PIBF1: variants seen among roughly 807,000 people sequenced by gnomAD.
The protein encoded by PIBF1 is progesterone-induced-blocking factor 1.
A neutral mutation model predicts 112.5 loss-of-function variants in PIBF1; 90 were observed. The ratio of observed to expected loss-of-function variants is 0.80; its 90% CI spans 0.67 to 0.95. The LOEUF is 0.95. Ranked by LOEUF, PIBF1 falls within the 40% of genes least tolerant of loss-of-function variation. The probability of loss-of-function intolerance (pLI) is 0.00; values close to 1 mark genes in which losing one functional copy is unlikely to be tolerated. For missense variants in PIBF1, 915 were observed against 852.3 expected, an observed-to-expected ratio of 1.07 and a Z score of -0.92; for synonymous variants, 301 against 288.6, an observed-to-expected ratio of 1.04 and a Z score of -0.44.
intron 14 of PIBF1, among the ~76,000 whole-genome samples, chr13:72,937,116 A>G (rs2041891407): frequency 1.3e-5 from 2 of 151,848 alleles, no homozygotes; most frequent in South Asian, 2.1e-4. Flanking sequence ...ACAAAATATG[A>G]TTTTCAATTG....
intron 14 of PIBF1, among the ~76,000 whole-genome samples, chr13:72,948,222 A>G (rs1020222824): frequency 6.6e-6 from 1 of 152,106 alleles, no homozygotes; most frequent in African/African-American, 2.4e-5. Context: ...CTGAAAGTAT[A>G]ATTTAAAAAA....
At chr13:72,921,914 T>G (rs1230402850) in intron 13 of PIBF1, among the ~76,000 whole-genome samples, 1 of 152,208 alleles carries the variant, frequency 6.6e-6, no homozygotes, top group Non-Finnish European at 1.5e-5. Context: ...TAAGACGATA[T>G]TGTTTTAAAA....
chr13:72,845,873 T>G (rs1455718719), intron 9 of PIBF1, among the ~76,000 whole-genome samples: 2 of 152,174 alleles, frequency 1.3e-5, no homozygotes, highest in African/African-American at 4.8e-5. Context: ...AAGATGTTTT[T>G]ATACCAAAGC....
intron 10 of PIBF1, among the ~76,000 whole-genome samples, chr13:72,856,587 A>C (rs1026571489): frequency 2.0e-5 from 3 of 152,208 alleles, no homozygotes; most frequent in African/African-American, 4.8e-5. Flanking sequence ...TTATGAATAA[A>C]TGAGTGAATG....
At chr13:72,989,498 G>C (rs2043403619) in intron 16 of PIBF1, among the ~76,000 whole-genome samples, 1 of 152,184 alleles carries the variant, frequency 6.6e-6, no homozygotes. Context: ...GACGGTATAT[G>C]ATTCCACTGA....
intron 16 of PIBF1, among the ~76,000 whole-genome samples, chr13:72,985,371 CAA>C (rs67195605): frequency 1.3e-5 from 1 of 76,282 alleles, no homozygotes; most frequent in Non-Finnish European, 2.3e-5. Context: ...ACTAAAAATA[CAA>C]AAAAAAAAAA....
intron 8 of PIBF1, among the ~76,000 whole-genome samples, chr13:72,829,720 C>T (rs2037006529): frequency 6.6e-6 from 1 of 152,098 alleles, no homozygotes; most frequent in South Asian, 2.1e-4. Flanking sequence ...CATGATGCCT[C>T]CAGCTTTCTT....
At chr13:72,903,672 A>G (rs1406576773) in intron 11 of PIBF1, among the ~76,000 whole-genome samples, 2 of 152,198 alleles carry the variant, frequency 1.3e-5, no homozygotes, top group African/African-American at 2.4e-5. Flanking sequence ...GCTCTAGACA[A>G]TTAACCAGAG....
At chr13:72,885,370 A>T (rs550418325) in intron 10 of PIBF1, among the ~76,000 whole-genome samples, 2 of 152,236 alleles carry the variant, frequency 1.3e-5, no homozygotes, top group East Asian at 3.9e-4. Context: ...ACTGCCCCTC[A>T]TCAAATTAGT....
intron 9 of PIBF1, among the ~76,000 whole-genome samples, chr13:72,848,925 G>GGTT (rs1213556100): frequency 6.6e-6 from 1 of 151,980 alleles, no homozygotes; most frequent in Non-Finnish European, 1.5e-5. Context: ...AGAAAGTAGT[G>GGTT]GTTTGTGTGT....
At position 72,795,427 on chromosome 13, in the gene PIBF1, CA is replaced by C; in HGVS notation, c.425del (p.Asn142IlefsTer4). The C allele has an allele frequency of 5.0e-6, 8 of 1,609,294 alleles. No homozygotes were observed. Among genetic ancestry groups the C allele is most frequent in the Non-Finnish European group, 6.8e-6 (8 of 1,178,098 alleles). ...TTGAGACAGAAACAACTAGAAGAGA[CA>C]AATCTTCAGCTAAGAGAAAAAGCTG... ...ILLRQKQLEE[T>X]NLQLREKAGD... On this transcript the variant is annotated frameshift_variant, in exon 4 of 18. Coordinates refer to ENST00000326291, the MANE Select transcript of PIBF1 (RefSeq NM_006346.4). LOFTEE classifies it high-confidence loss of function.
intron 17 of PIBF1, among the ~76,000 whole-genome samples, chr13:73,007,627 T>A (rs1299364359): frequency 6.6e-6 from 1 of 152,022 alleles, no homozygotes; most frequent in Non-Finnish European, 1.5e-5. Context: ...CTGACCAACA[T>A]GGAGAAACCC....
intron 10 of PIBF1, among the ~76,000 whole-genome samples, chr13:72,886,350 T>G (rs2039852720): frequency 6.6e-6 from 1 of 151,854 alleles, no homozygotes. Context: ...GGAGGATAAT[T>G]CAAGCTGAAT....
In PIBF1 at chr13:72,893,813, G is replaced by GC; in HGVS notation, c.1353dup (p.Lys452GlnfsTer10). ...AGAGAACTACAACTTAGTACAGAAA[G>GC]CAAAGTAACAGAATTTCTCCATCAA... On this transcript the variant is annotated frameshift_variant, in exon 11 of 18. Transcript: ENST00000326291. LOFTEE classifies it high-confidence loss of function. The GC allele has an allele frequency of 1.2e-6, 2 of 1,602,242 alleles. No homozygotes were observed. The highest frequency in any genetic ancestry group is 1.7e-6 in the Non-Finnish European group (2 of 1,174,090).
At chr13:72,932,863 T>A (rs1374779651) in intron 14 of PIBF1, among the ~76,000 whole-genome samples, 1 of 152,230 alleles carries the variant, frequency 6.6e-6, no homozygotes, top group Non-Finnish European at 1.5e-5. Context: ...TTCCTAAAAA[T>A]TTTCAGGATT....
chr13:72,804,994 C>G (rs1021791136), intron 5 of PIBF1, among the ~76,000 whole-genome samples: 1 of 152,018 alleles, frequency 6.6e-6, no homozygotes, highest in Non-Finnish European at 1.5e-5. Context: ...CTTTTTTGAG[C>G]CAGAGTCACA....
chr13:72,958,806 T>G (rs1327409821), intron 14 of PIBF1, among the ~76,000 whole-genome samples: 2 of 152,126 alleles, frequency 1.3e-5, no homozygotes, highest in Admixed American at 1.3e-4. Context: ...GGATTACAAG[T>G]TCAAGACGTA....
intron 9 of PIBF1, among the ~76,000 whole-genome samples, chr13:72,846,113 C>G (rs771883026): frequency 6.6e-6 from 1 of 152,114 alleles, no homozygotes; most frequent in Non-Finnish European, 1.5e-5. Context: ...GCAGCTGCCT[C>G]CATGGCATTT....
chr13:72,876,332 G>A (rs1281863158), intron 10 of PIBF1, among the ~76,000 whole-genome samples: 2 of 151,758 alleles, frequency 1.3e-5, no homozygotes, highest in Non-Finnish European at 2.9e-5. Context: ...TCCTGTTCCT[G>A]TAACTTTATA....
Sources: gnomAD v4.1 joint callset for allele counts (sites outside exome capture counted in the v4.1 genomes callset) on GRCh38, gnomAD v4.1.1 for gene constraint, MANE v1.5 for transcripts, NCBI Gene and HGNC (gene_info 2026-07-23, HGNC 2026-07-21) for gene names.